The following CD101 variants were observed in gnomAD, a reference collection of about 807,000 sequenced individuals.
CD101 encodes CD101 molecule.
A neutral mutation model predicts 98.2 loss-of-function variants in CD101; 76 were observed. The observed-to-expected ratio is 0.77, with a 90% CI of 0.64 to 0.94. CD101 has a LOEUF of 0.94. CD101 is among the 40% of genes least tolerant of loss of function. The pLI is 0.00. For missense variants in CD101, 1,145 were observed against 1,218.8 expected (o/e 0.94, Z 0.90); for synonymous variants, 471 against 472.7 (o/e 1.00, Z 0.05).
intron 8 of CD101, among the ~76,000 whole-genome samples, chr1:117,030,346 G>A (rs1654367427): frequency 6.6e-6 from 1 of 151,364 alleles, no homozygotes; most frequent in African/African-American, 2.4e-5. Flanking sequence ...ATGCCACTTT[G>A]CTCCAGTCTG....
In CD101 at chr1:117,006,762, T is replaced by C. The variant is rs898291191; in HGVS notation, c.44-3088T>C. On this transcript the variant is annotated intron_variant, in intron 1 of 9. Transcript: ENST00000682167. This position sits in a 1 kb window ranked among gnomAD's most constrained non-coding sequence, Gnocchi z 4.4. ...CAAAATTTTTGAAGCACTTTTATTA[T>C]ATGTTTTCCATAGAGAGGTGACTAC... Among the ~76,000 whole-genome samples the C allele has an allele frequency of 5.9e-5, 9 of 152,142 alleles. No homozygotes were observed. The highest frequency in any genetic ancestry group is 3.3e-4 in the Admixed American group (5 of 15,262).
rs564580595 is a variant in CD101 at position 117,019,334 on chromosome 1, C to T, written c.2017+774C>T. Among the ~76,000 whole-genome samples the T allele has an allele frequency of 6.6e-6, 1 of 152,306 alleles. No homozygotes were observed. Among genetic ancestry groups the T allele is most frequent in the Admixed American group, 6.5e-5 (1 of 15,300 alleles). ...CATATATAACATGCCGAGTACCTGA[C>T]ACACCAAGATGACGCTCAAACGTGG... On this transcript the variant is annotated intron_variant, in intron 6 of 9. Coordinates refer to ENST00000682167, the MANE Select transcript of CD101 (RefSeq NM_001256106.3). This position sits in a 1 kb window ranked among gnomAD's most constrained non-coding sequence, Gnocchi z 4.3.
At chr1:117,029,233 GAAAGA>G (rs1246836026) in intron 8 of CD101, among the ~76,000 whole-genome samples, 1 of 109,460 alleles carries the variant, frequency 9.1e-6, no homozygotes, top group African/African-American at 4.2e-5. Context: ...AAGAAAGAAA[GAAAGA>G]AAGAAAGAAA....
chr1:117,022,130 C>A lies in CD101; in HGVS notation c.2428+147C>A. The stretch of plus-strand genomic sequence containing the variant: ...ATCTACCTACACATGACTGCAAGAC[C>A]GAGTAGTCCACCAAAGGAGGGGAGG... On this transcript the variant is annotated intron_variant, in intron 7 of 9. Transcript: ENST00000682167. The surrounding 1 kb of genome is among the most constrained non-coding windows in gnomAD (Gnocchi z 4.8). 3 of 895,594 alleles carry A rather than the reference C, an allele frequency of 3.3e-6. No homozygotes were observed. Among genetic ancestry groups the A allele is most frequent in the East Asian group, 2.6e-5 (1 of 38,054 alleles). 55.5% of individuals were successfully genotyped at this position (895,594 alleles called of 1,614,324 possible). A position where few individuals can be genotyped will look rare whatever the true frequency, so the allele number is the denominator to read the frequency against.
At position 117,006,007 on chromosome 1, in the gene CD101, C is replaced by A. The variant is rs1261710363; in HGVS notation, c.44-3843C>A. 1.3e-5 allele frequency among the ~76,000 whole-genome samples: 2 copies of A among 152,016 alleles called. No homozygotes were observed. Among genetic ancestry groups the A allele is most frequent in the Non-Finnish European group, 2.9e-5 (2 of 68,006 alleles). ...TTCAAAATGTTTGCTGGATATCCTT[C>A]CTGTCTATTCCATGGTCTTCAAATT... On this transcript the variant is annotated intron_variant, in intron 1 of 9. Coordinates refer to ENST00000682167, the MANE Select transcript of CD101 (RefSeq NM_001256106.3). The surrounding 1 kb of genome is among the most constrained non-coding windows in gnomAD (Gnocchi z 4.4).
chr1:117,013,287 G>T, intron 3 of CD101, 119 bp from the exon 4 acceptor site: 2 of 1,229,798 alleles, frequency 1.6e-6, no homozygotes, highest in South Asian at 3.2e-5. Flanking sequence ...CTATAGAATT[G>T]AACTCCCACA....
At chr1:117,009,454 C>A (rs944327106) in intron 1 of CD101, among the ~76,000 whole-genome samples, 6 of 152,206 alleles carry the variant, frequency 3.9e-5, no homozygotes, top group Non-Finnish European at 8.8e-5. Flanking sequence ...GGGAACTGCC[C>A]GATGGCAGGC....
At chr1:117,009,165 C>A (rs1194568281) in intron 1 of CD101, among the ~76,000 whole-genome samples, 1 of 152,192 alleles carries the variant, frequency 6.6e-6, no homozygotes, top group African/African-American at 2.4e-5. Context: ...AAGAAAAAAG[C>A]TAAAATAAAT....
chr1:117,024,750 T>C (rs1653798072), intron 7 of CD101, among the ~76,000 whole-genome samples: 1 of 152,144 alleles, frequency 6.6e-6, no homozygotes, highest in Admixed American at 6.5e-5. Flanking sequence ...GATGGCGTCC[T>C]CTCTCTCTGC....
intron 8 of CD101, among the ~76,000 whole-genome samples, chr1:117,029,195 G>GA (rs749453095): frequency 9.4e-4 from 72 of 76,838 alleles, no homozygotes; most frequent in Admixed American, 1.5e-3. Context: ...AAGAAAGAAA[G>GA]AAAGAAAGAA....
Position 117,021,886 on chromosome 1 carries a change from C to T in CD101, c.2331C>T (p.His777=). The T allele has an allele frequency of 6.2e-7, 1 of 1,614,220 alleles. No individual in the cohort carries two copies. The highest frequency in any genetic ancestry group is 1.1e-5 in the South Asian group (1 of 91,080). Residue 777 remains histidine, a synonymous_variant, in exon 7 of 10, where the codon CAC becomes CAT. Transcript: ENST00000682167. The surrounding 1 kb of genome is among the most constrained non-coding windows in gnomAD (Gnocchi z 4.7). Reference sequence around the variant, plus strand: ...AAGACAGCGATCGGGGCAAATATCACTGTGCTGTGGAGGAATGGCTCCTGT... The same window carrying T: ...AAGACAGCGATCGGGGCAAATATCATTGTGCTGTGGAGGAATGGCTCCTGT... ...NVEDSDRGKY[H]CAVEEWLLST... is the part of the protein sequence containing the mutation.
intron 8 of CD101, chr1:117,032,615 T>TAC: frequency 6.6e-6 from 1 of 152,252 alleles, no homozygotes; most frequent in East Asian, 1.9e-4. Context: ...CTTATGTCAT[T>TAC]ACAATTTTCC....
chr1:117,002,028 C>A (rs1652257660), intron 1 of CD101, among the ~76,000 whole-genome samples, 168 bp downstream of exon 1: 1 of 152,238 alleles, frequency 6.6e-6, no homozygotes, highest in African/African-American at 2.4e-5. Flanking sequence ...CTTACCTAGA[C>A]ATCCTTGAGT....
chr1:117,017,615 C>G, intron 5 of CD101, 142 bp downstream of exon 5: 1 of 766,164 alleles, frequency 1.3e-6, no homozygotes, highest in Middle Eastern at 3.9e-4. Context: ...GCTACCCTCT[C>G]TGTCAATTAA....
rs552776676 is a variant in CD101 at position 117,019,815 on chromosome 1, T to A, written c.2017+1255T>A. ...GCTCTTTCTTCTGCATTGCCCCTTA[T>A]GTCCCCACTCCTCACCAGTGACCCA... On this transcript the variant is annotated intron_variant, in intron 6 of 9. Transcript: ENST00000682167. The surrounding 1 kb of genome is among the most constrained non-coding windows in gnomAD (Gnocchi z 4.3). 3.7e-4 allele frequency among the ~76,000 whole-genome samples: 56 copies of A among 152,324 alleles called. 2 individuals are homozygous for A. The South Asian group carries it at 0.011, about 30-fold the overall frequency.
chr1:117,004,439 T>C lies in CD101; in HGVS notation c.43+2579T>C, dbSNP rs1188585866. The stretch of plus-strand genomic sequence containing the variant: ...ATTCAAATAATACTGCAGTGGTAAA[T>C]TTGACAATTCCAGTGATATTTTTAA... On this transcript the variant is annotated intron_variant, in intron 1 of 9. Coordinates refer to ENST00000682167, the MANE Select transcript of CD101 (RefSeq NM_001256106.3). This position sits in a 1 kb window ranked among gnomAD's most constrained non-coding sequence, Gnocchi z 4.1. Among the ~76,000 whole-genome samples, 2 of 152,154 alleles carry C rather than the reference T, an allele frequency of 1.3e-5. No homozygotes were observed. The highest frequency in any genetic ancestry group is 2.9e-5 in the Non-Finnish European group (2 of 68,018).
chr1:117,012,882 T>C lies in CD101; in HGVS notation c.842-524T>C, dbSNP rs117021795. Among the ~76,000 whole-genome samples the C allele has an allele frequency of 1.2e-3, 180 of 152,270 alleles. 2 individuals are homozygous for C. In the East Asian group the frequency reaches 0.033, roughly 28 times the overall value. ...TAGTGGATCATTAAAGTTTTTTCTT[T>C]ATTAAAAACAGTATTATTGTGTTCC... On this transcript the variant is annotated intron_variant, in intron 3 of 9. Coordinates refer to ENST00000682167, the MANE Select transcript of CD101 (RefSeq NM_001256106.3). This position sits in a 1 kb window ranked among gnomAD's most constrained non-coding sequence, Gnocchi z 4.0.
At chr1:117,034,838 A>G (rs1654707234) in intron 9 of CD101, among the ~76,000 whole-genome samples, 1 of 152,154 alleles carries the variant, frequency 6.6e-6, no homozygotes, top group Admixed American at 6.5e-5. Flanking sequence ...TCAGCCCCCC[A>G]AGGCCTCGTA....
rs762210879 is a variant in CD101 at position 117,017,098 on chromosome 1, G to A, written c.1237G>A (p.Val413Met). The change falls in exon 5 of 10, where the codon GTG becomes ATG. Residue 413 changes from valine to methionine, a missense_variant. By Grantham distance (21) the Val-to-Met change is conservative. Transcript: ENST00000682167. ...VHLRKPAARSVVMSTKNKQQV... is the reference protein window; with the variant it reads ...VHLRKPAARSMVMSTKNKQQV... ...TAATCTGTAACTCACAGCAAGAAGT[G>A]TGGTCATGTCTACCAAGAACAAGCA... is the stretch of plus-strand genomic sequence containing the variant. The A allele has an allele frequency of 1.9e-6, 3 of 1,613,268 alleles. No individual in the cohort carries two copies. The highest frequency in any genetic ancestry group is 2.7e-5 in the African/African-American group (2 of 74,930).
Sources: gnomAD v4.1 joint callset for allele counts (sites outside exome capture counted in the v4.1 genomes callset) on GRCh38, gnomAD v4.1.1 for gene constraint, Gnocchi (gnomAD v3.1) non-coding constraint, MANE v1.5 for transcripts, NCBI Gene and HGNC (gene_info 2026-07-23, HGNC 2026-07-21) for gene names.